The following PCBP3 variants were observed in gnomAD, a reference collection of about 807,000 sequenced individuals.
The protein encoded by PCBP3 is poly(rC)-binding protein 3.
Under a neutral mutation model 52.7 loss-of-function variants are expected in PCBP3, and 25 were observed. The ratio of observed to expected loss-of-function variants is 0.47; its 90% CI spans 0.35 to 0.66. The LOEUF is 0.66. Ranked by LOEUF, PCBP3 falls within the 30% of genes least tolerant of loss-of-function variation. The probability of loss-of-function intolerance (pLI) is 0.01; values close to 1 mark genes in which losing one functional copy is unlikely to be tolerated. For missense variants in PCBP3, 391 were observed against 490.3 expected, an observed-to-expected ratio of 0.80 and a Z score of 1.91; for synonymous variants, 162 against 183.0, an observed-to-expected ratio of 0.89 and a Z score of 0.93.
At chr21:45,820,188 C>T (rs751062399) in intron 4 of PCBP3, among the ~76,000 whole-genome samples, 3 of 152,242 alleles carry the variant, frequency 2.0e-5, no homozygotes, top group Non-Finnish European at 2.9e-5. Context: ...TGCTGGCCTT[C>T]TCCCGGCTGT....
In PCBP3 at chr21:45,791,085, G is replaced by T. The variant is rs2146371753; in HGVS notation, c.-126+35633G>T. On this transcript the variant is annotated intron_variant, in intron 4 of 17. Coordinates refer to ENST00000681687, the MANE Select transcript of PCBP3 (RefSeq NM_001384156.1). The surrounding 1 kb of genome is among the most constrained non-coding windows in gnomAD (Gnocchi z 4.2). ...GTAGAGGGGCTGGCTGGCCCACCGA[G>T]GCCAGCATCTTGCAGTGGCGAAGGT... is the stretch of plus-strand genomic sequence containing the variant. Among the ~76,000 whole-genome samples, 1 of 152,280 alleles carries T rather than the reference G, an allele frequency of 6.6e-6. No homozygotes were observed. Among genetic ancestry groups the T allele is most frequent in the Admixed American group, 6.5e-5 (1 of 15,300 alleles).
intron 2 of PCBP3, among the ~76,000 whole-genome samples, chr21:45,719,137 G>A (rs1199545482): frequency 6.6e-6 from 1 of 152,158 alleles, no homozygotes; most frequent in Non-Finnish European, 1.5e-5. Flanking sequence ...GCCATGTTGT[G>A]TGATTAGCTC....
intron 10 of PCBP3, among the ~76,000 whole-genome samples, chr21:45,910,186 C>G (rs1486778149): frequency 1.6e-5 from 1 of 62,606 alleles, no homozygotes; most frequent in South Asian, 8.7e-4. Context: ...TACGGACCCC[C>G]CCCACCCACT....
At chr21:45,774,108 C>G (rs560175427) in intron 4 of PCBP3, among the ~76,000 whole-genome samples, 1 of 152,124 alleles carries the variant, frequency 6.6e-6, no homozygotes, top group South Asian at 2.1e-4. Context: ...TTTATCGCAT[C>G]TAAAAGTTTT....
At chr21:45,653,858 C>T (rs1428443378) in intron 1 of PCBP3, among the ~76,000 whole-genome samples, 1 of 151,828 alleles carries the variant, frequency 6.6e-6, no homozygotes, top group African/African-American at 2.4e-5. Flanking sequence ...AAAAATCATT[C>T]CATTTTTCCA....
chr21:45,681,012 A>G (rs931611160), intron 2 of PCBP3, among the ~76,000 whole-genome samples: 1 of 152,200 alleles, frequency 6.6e-6, no homozygotes, highest in African/African-American at 2.4e-5. Flanking sequence ...GCATTCTCAC[A>G]TGGCAGAAGG....
rs2077524793 is a variant in PCBP3 at position 45,942,372 on chromosome 21, C to A, written c.*666C>A. 1 of 152,162 alleles carries A rather than the reference C, an allele frequency of 6.6e-6. No individual in the cohort carries two copies. Among genetic ancestry groups the A allele is most frequent in the Admixed American group, 6.5e-5 (1 of 15,268 alleles). The allele number at this position is 152,162 out of a possible 1,614,324, so 9.4% of individuals were successfully genotyped here. A position where few individuals can be genotyped will look rare whatever the true frequency, so the allele number is the denominator to read the frequency against. ...GCTCTTGGGGTCCCCTGAGCGTCTT[C>A]CAGGGTGGCTGGAGAGCACAGACGC... On this transcript the variant is annotated 3_prime_UTR_variant, in exon 18 of 18. Transcript: ENST00000681687.
chr21:45,748,660 G>T (rs370439678), intron 3 of PCBP3, among the ~76,000 whole-genome samples: 1 of 152,254 alleles, frequency 6.6e-6, no homozygotes, highest in Non-Finnish European at 1.5e-5. Context: ...TGCTGAGCTT[G>T]TGCCTCTGGC....
chr21:45,903,600 G>T (rs1292185824), intron 9 of PCBP3, among the ~76,000 whole-genome samples: 1 of 152,174 alleles, frequency 6.6e-6, no homozygotes, highest in Non-Finnish European at 1.5e-5. Flanking sequence ...GAACGAATAT[G>T]TGCTAACATA....
At chr21:45,728,151 C>T (rs1290013895) in intron 2 of PCBP3, among the ~76,000 whole-genome samples, 4 of 152,148 alleles carry the variant, frequency 2.6e-5, no homozygotes, top group Non-Finnish European at 5.9e-5. Flanking sequence ...TTGGAGGGTA[C>T]GGTCTAACTT....
At chr21:45,754,632 TGC>T (rs1208458358) in intron 3 of PCBP3, among the ~76,000 whole-genome samples, 1 of 152,234 alleles carries the variant, frequency 6.6e-6, no homozygotes, top group Non-Finnish European at 1.5e-5. Context: ...AAATGCTAAT[TGC>T]CTGTGTATCC....
rs2093006555 is a variant in PCBP3, at chr21:45,817,640, AGGAGCTCAGCGT to A, written c.-125-32319_-125-32308del. Among the ~76,000 whole-genome samples the A allele has an allele frequency of 6.6e-6, 1 of 152,066 alleles. No homozygotes were observed. Among genetic ancestry groups the A allele is most frequent in the African/African-American group, 2.4e-5 (1 of 41,298 alleles). Reference sequence around the variant, plus strand: ...GGACGCAGCTAGAAAGCAGCCGGCGAGGAGCTCAGCGTGTGTCTCCGCCGGGTGAAAGATCAC... The same window carrying A: ...GGACGCAGCTAGAAAGCAGCCGGCGAGTGTCTCCGCCGGGTGAAAGATCAC... On this transcript the variant is annotated intron_variant, in intron 4 of 17. Transcript: ENST00000681687. This position sits in a 1 kb window ranked among gnomAD's most constrained non-coding sequence, Gnocchi z 4.3.
chr21:45,740,036 A>G (rs1381630666), intron 3 of PCBP3, among the ~76,000 whole-genome samples: 2 of 152,282 alleles, frequency 1.3e-5, no homozygotes, highest in Non-Finnish European at 2.9e-5. Context: ...GCCTGAGTCC[A>G]TTCTGTTCTG....
In PCBP3 at chr21:45,837,776, C is replaced by T. The variant is rs2093622427; in HGVS notation, c.-125-12185C>T. Among the ~76,000 whole-genome samples the T allele has an allele frequency of 6.6e-6, 1 of 152,208 alleles. No homozygotes were observed. Among genetic ancestry groups the T allele is most frequent in the South Asian group, 2.1e-4 (1 of 4,830 alleles). ...TGGCATGATGAGGCGTGTGGTCTGGCCGCTCCTTCACTGGTGCTGAGACTG... is the reference window on the plus strand; with the variant it reads ...TGGCATGATGAGGCGTGTGGTCTGGTCGCTCCTTCACTGGTGCTGAGACTG... On this transcript the variant is annotated intron_variant, in intron 4 of 17. Coordinates refer to ENST00000681687, the MANE Select transcript of PCBP3 (RefSeq NM_001384156.1). This position sits in a 1 kb window ranked among gnomAD's most constrained non-coding sequence, Gnocchi z 4.1.
rs10222096 is a variant in PCBP3, at chr21:45,783,538, G to A, written c.-126+28086G>A. On this transcript the variant is annotated intron_variant, in intron 4 of 17. Coordinates refer to ENST00000681687, the MANE Select transcript of PCBP3 (RefSeq NM_001384156.1). ...GCCAAAAGAGGAATGGAGAAGGGGGGAAGGTCACAGAGAGTGGCGGTGGCC... is the reference window on the plus strand; with the variant it reads ...GCCAAAAGAGGAATGGAGAAGGGGGAAAGGTCACAGAGAGTGGCGGTGGCC... Among the ~76,000 whole-genome samples, 691 of 152,342 alleles carry A rather than the reference G, an allele frequency of 4.5e-3. 5 individuals carry two copies. Among genetic ancestry groups the A allele is most frequent in the African/African-American group, 0.016 (655 of 41,582 alleles).
intron 1 of PCBP3, among the ~76,000 whole-genome samples, chr21:45,663,595 C>T (rs1569090576): frequency 6.6e-6 from 1 of 152,086 alleles, no homozygotes; most frequent in East Asian, 1.9e-4. Context: ...TTTTCTTCTG[C>T]GTATGGCTAT....
chr21:45,877,632 C>T (rs1438278456), intron 5 of PCBP3, among the ~76,000 whole-genome samples: 2 of 152,130 alleles, frequency 1.3e-5, no homozygotes, highest in African/African-American at 2.4e-5. Context: ...GATGAAACCC[C>T]ATCTCTACTA....
At chr21:45,882,584 A>G (rs566029817) in intron 5 of PCBP3, among the ~76,000 whole-genome samples, 1 of 152,170 alleles carries the variant, frequency 6.6e-6, no homozygotes, top group South Asian at 2.1e-4. Context: ...GCCATATTTA[A>G]AAAAAAATCA....
chr21:45,666,430 T>A (rs1240191155), intron 1 of PCBP3, among the ~76,000 whole-genome samples: 2 of 152,210 alleles, frequency 1.3e-5, no homozygotes, highest in Non-Finnish European at 2.9e-5. Context: ...ACCATTATAG[T>A]TATATCTTTA....
Sources: allele counts gnomAD v4.1 joint callset (sites outside exome capture counted in the v4.1 genomes callset), GRCh38; gene constraint gnomAD v4.1.1; non-coding constraint Gnocchi (gnomAD v3.1); transcripts MANE v1.5; gene names NCBI Gene and HGNC (gene_info 2026-07-23, HGNC 2026-07-21).